Variants in CTNNA3 observed in about 807,000 individuals in gnomAD.
CTNNA3 encodes catenin alpha-3.
In CTNNA3, 76 loss-of-function variants were observed where a neutral mutation model predicts 95.7. The ratio of observed to expected loss-of-function variants is 0.79; its 90% confidence interval spans 0.66 to 0.96. The LOEUF is 0.96. Among genes scored for constraint, CTNNA3 ranks in the 40% least tolerant of loss-of-function variants. The pLI is 0.00. For missense variants in CTNNA3, 1,191 were observed against 1,089.8 expected, an observed-to-expected ratio of 1.09 and a Z score of -1.31; for synonymous variants, 431 against 374.4, an observed-to-expected ratio of 1.15 and a Z score of -1.74.
At chr10:66,920,870 A>G (rs1846750593) in intron 7 of CTNNA3, among the ~76,000 whole-genome samples, 1 of 152,088 alleles carries the variant, frequency 6.6e-6, no homozygotes, top group African/African-American at 2.4e-5. Context: ...TGTTGATTTT[A>G]TTGTAAATAT....
intron 10 of CTNNA3, among the ~76,000 whole-genome samples, chr10:66,555,183 G>C (rs1479511709): frequency 1.3e-5 from 2 of 152,074 alleles, no homozygotes; most frequent in Non-Finnish European, 2.9e-5. Context: ...CTTACATGTA[G>C]TTCTTCAAGG....
intron 11 of CTNNA3, among the ~76,000 whole-genome samples, chr10:66,420,100 C>A (rs145492907): frequency 8.2e-4 from 124 of 152,124 alleles, no homozygotes; most frequent in African/African-American, 2.9e-3. Flanking sequence ...GTAAAGAAAC[C>A]ACCTGTATGG....
intron 15 of CTNNA3, among the ~76,000 whole-genome samples, chr10:66,014,426 G>A (rs2079057519): frequency 6.6e-6 from 1 of 152,028 alleles, no homozygotes; most frequent in African/African-American, 2.4e-5. Flanking sequence ...AGGTTCTGTG[G>A]TAATAGCATT....
chr10:66,780,816 C>G (rs1379577352), intron 7 of CTNNA3, among the ~76,000 whole-genome samples: 1 of 152,138 alleles, frequency 6.6e-6, no homozygotes, highest in Non-Finnish European at 1.5e-5. Context: ...TTTGGCAGAT[C>G]CCATTACGTT....
intron 15 of CTNNA3, among the ~76,000 whole-genome samples, chr10:66,055,610 G>T (rs1324881260): frequency 2.0e-5 from 3 of 152,058 alleles, no homozygotes; most frequent in Non-Finnish European, 4.4e-5. Context: ...TAACTTTTGG[G>T]ATAGTCTTTA....
intron 7 of CTNNA3, among the ~76,000 whole-genome samples, chr10:66,847,878 A>C (rs1843337059): frequency 6.6e-6 from 1 of 152,194 alleles, no homozygotes; most frequent in Admixed American, 6.6e-5. Flanking sequence ...ATTAATAGAT[A>C]ATGTAATTTA....
intron 5 of CTNNA3, among the ~76,000 whole-genome samples, chr10:67,286,697 A>G (rs1839616137): frequency 6.6e-6 from 1 of 152,232 alleles, no homozygotes; most frequent in Non-Finnish European, 1.5e-5. Context: ...AAGTAGCAAA[A>G]GAAAAACATT....
chr10:66,481,576 A>G (rs1343618007), intron 11 of CTNNA3, among the ~76,000 whole-genome samples: 1 of 129,312 alleles, frequency 7.7e-6, no homozygotes, highest in Non-Finnish European at 1.5e-5. Context: ...GGTTCACGCC[A>G]TTCTCCTGCC....
intron 1 of CTNNA3, among the ~76,000 whole-genome samples, chr10:67,709,116 T>C (rs1198713749): frequency 6.6e-6 from 1 of 152,130 alleles, no homozygotes; most frequent in Admixed American, 6.6e-5. Context: ...CAAATGTAGA[T>C]AGATAAGGAT....
At chr10:66,120,924 C>T (rs950776832) in intron 13 of CTNNA3, among the ~76,000 whole-genome samples, 1 of 152,184 alleles carries the variant, frequency 6.6e-6, no homozygotes, top group Non-Finnish European at 1.5e-5. Flanking sequence ...TTGTTGTCCC[C>T]TAATGCACAT....
chr10:66,335,463 C>G (rs934512455), intron 12 of CTNNA3, among the ~76,000 whole-genome samples: 1 of 152,118 alleles, frequency 6.6e-6, no homozygotes. Context: ...GGACCCTCAG[C>G]TGCAGATCTG....
chr10:66,913,579 G>C (rs1370566620), intron 7 of CTNNA3, among the ~76,000 whole-genome samples: 1 of 152,144 alleles, frequency 6.6e-6, no homozygotes, highest in East Asian at 1.9e-4. Flanking sequence ...AAAGAGGAAT[G>C]AATGAACAAT....
At chr10:67,608,828 T>C (rs938522846) in intron 2 of CTNNA3, among the ~76,000 whole-genome samples, 1 of 152,122 alleles carries the variant, frequency 6.6e-6, no homozygotes, top group Non-Finnish European at 1.5e-5. Flanking sequence ...CAGTGGCTCA[T>C]ACCCATAATC....
intron 15 of CTNNA3, among the ~76,000 whole-genome samples, chr10:66,028,825 A>G (rs10822696): frequency 0.46 from 70,325 of 151,966 alleles, 16,368 homozygotes; most frequent in Admixed American, 0.55. Flanking sequence ...AACCCAAATA[A>G]AATTCTCCAT....
chr10:66,461,050 A>G (rs1434930303), intron 11 of CTNNA3, among the ~76,000 whole-genome samples: 1 of 152,178 alleles, frequency 6.6e-6, no homozygotes, highest in Non-Finnish European at 1.5e-5. Flanking sequence ...TGAAGTAATG[A>G]AGACAGAGAA....
rs192848934 is a variant in CTNNA3, at chr10:65,988,746, C to A, written c.2211G>T (p.Met737Ile). 2.5e-6 allele frequency: 4 copies of A among 1,613,904 alleles called. No homozygotes were observed. Among genetic ancestry groups the A allele is most frequent in the Non-Finnish European group, 3.4e-6 (4 of 1,179,984 alleles). Residue 737 changes from methionine to isoleucine, a missense_variant, in exon 16 of 18, where the codon ATG becomes ATT. Met to Ile is a conservative substitution (Grantham distance 10). Transcript: ENST00000433211. ...CCATCCTTGATCCTGATTCTGATAT[C>A]ATTTTCGCTGCATAGATCACATCAG... ...HTTDVIYAAK[M>I]ISESGSRMDV...
At chr10:65,948,663 A>C (rs2077562324) in intron 17 of CTNNA3, among the ~76,000 whole-genome samples, 1 of 152,146 alleles carries the variant, frequency 6.6e-6, no homozygotes, top group South Asian at 2.1e-4. Flanking sequence ...TTCAGGTTTT[A>C]TTGAGGGTCA....
intron 12 of CTNNA3, among the ~76,000 whole-genome samples, chr10:66,294,534 G>C (rs1364936225): frequency 1.3e-5 from 2 of 152,184 alleles, no homozygotes; most frequent in Non-Finnish European, 2.9e-5. Context: ...GTATAAAATA[G>C]AAAAGCTGAA....
intron 10 of CTNNA3, among the ~76,000 whole-genome samples, chr10:66,614,081 G>T (rs538467907): frequency 1.3e-5 from 2 of 152,208 alleles, no homozygotes; most frequent in African/African-American, 4.8e-5. Flanking sequence ...ACTGAAGTGT[G>T]TGCTAAATAC....
Sources: gnomAD v4.1 joint callset for allele counts (sites outside exome capture counted in the v4.1 genomes callset) on GRCh38, gnomAD v4.1.1 for gene constraint, MANE v1.5 for transcripts, NCBI Gene and HGNC (gene_info 2026-07-23, HGNC 2026-07-21) for gene names.